Variants in DCLK1 observed in about 807,000 individuals in gnomAD.
The protein encoded by DCLK1 is serine/threonine-protein kinase DCLK1.
Under a neutral mutation model 86.2 loss-of-function variants are expected in DCLK1, and 16 were observed. The observed-to-expected ratio is 0.19, with a 90% CI of 0.13 to 0.28. The LOEUF (loss-of-function observed/expected upper bound fraction) is 0.28. DCLK1 is among the 10% of genes least tolerant of loss of function. The pLI is 1.00. For missense variants in DCLK1, 590 were observed against 940.2 expected (o/e 0.63, Z 4.87); for synonymous variants, 369 against 370.5 (o/e 1.00, Z 0.05).
chr13:35,867,564 T>C (rs1042304763), intron 5 of DCLK1, among the ~76,000 whole-genome samples: 26 of 152,158 alleles, frequency 1.7e-4, no homozygotes, highest in African/African-American at 6.3e-4. Flanking sequence ...TGAGGCAATG[T>C]GTCCTACCCA....
intron 4 of DCLK1, among the ~76,000 whole-genome samples, chr13:35,936,317 G>A (rs1876747426): frequency 6.6e-6 from 1 of 152,210 alleles, no homozygotes; most frequent in Non-Finnish European, 1.5e-5. Flanking sequence ...CAATAGGATT[G>A]AAAATGAACA....
intron 4 of DCLK1, among the ~76,000 whole-genome samples, chr13:35,893,209 G>A (rs891128759): frequency 9.2e-5 from 14 of 152,294 alleles, no homozygotes; most frequent in Non-Finnish European, 2.1e-4. Flanking sequence ...GTCCAGCAGA[G>A]GTGAAGGGGC....
intron 4 of DCLK1, among the ~76,000 whole-genome samples, chr13:35,873,598 C>T (rs1320363546): frequency 6.6e-6 from 1 of 152,028 alleles, no homozygotes; most frequent in Non-Finnish European, 1.5e-5. Flanking sequence ...GTTGGCCAGG[C>T]TGGTTTCAAA....
chr13:35,856,531 G>A (rs1330913388), intron 5 of DCLK1, among the ~76,000 whole-genome samples: 1 of 152,180 alleles, frequency 6.6e-6, no homozygotes, highest in African/African-American at 2.4e-5. Flanking sequence ...CAAACACAGT[G>A]TTAACACTTT....
At chr13:35,910,672 G>C (rs1388554727) in intron 4 of DCLK1, among the ~76,000 whole-genome samples, 1 of 152,146 alleles carries the variant, frequency 6.6e-6, no homozygotes, top group Non-Finnish European at 1.5e-5. Flanking sequence ...TGACTTCCCA[G>C]GGGCCGCTGT....
At chr13:35,794,637 C>T (rs777600149) in intron 15 of DCLK1, among the ~76,000 whole-genome samples, 21 of 152,160 alleles carry the variant, frequency 1.4e-4, no homozygotes, top group African/African-American at 3.6e-4. Flanking sequence ...GAAACGATGG[C>T]GAGCAAAGAC....
intron 5 of DCLK1, among the ~76,000 whole-genome samples, chr13:35,859,113 CA>C (rs1352345756): frequency 6.6e-6 from 1 of 152,088 alleles, no homozygotes; most frequent in African/African-American, 2.4e-5. Flanking sequence ...TATTAAAATT[CA>C]ACTTAAAATG....
intron 3 of DCLK1, among the ~76,000 whole-genome samples, chr13:36,099,846 T>C (rs1885140084): frequency 6.6e-6 from 1 of 152,084 alleles, no homozygotes. Context: ...AATACAATAA[T>C]ACATGAGATT....
At chr13:35,889,892 G>C (rs1037331273) in intron 4 of DCLK1, among the ~76,000 whole-genome samples, 5 of 152,068 alleles carry the variant, frequency 3.3e-5, no homozygotes, top group Non-Finnish European at 7.4e-5. Flanking sequence ...TATTGTAAAA[G>C]AACATATAGT....
chr13:35,997,889 G>T (rs946776600), intron 3 of DCLK1, among the ~76,000 whole-genome samples: 1 of 152,136 alleles, frequency 6.6e-6, no homozygotes, highest in African/African-American at 2.4e-5. Context: ...TAGCATTTTT[G>T]ATTCCAGCTT....
rs34920645 is a variant in DCLK1 at position 35,949,825 on chromosome 13, G to GTTTT, written c.724-2372_724-2369dup. 3.4e-4 allele frequency among the ~76,000 whole-genome samples: 45 copies of GTTTT among 130,684 alleles called. 4 individuals are homozygous for GTTTT. The highest frequency in any genetic ancestry group is 4.6e-4 in the Non-Finnish European group (29 of 63,604). 85.7% of individuals were successfully genotyped at this position (130,684 alleles called of 152,430 possible). A position where few individuals can be genotyped will look rare whatever the true frequency, so the allele number is the denominator to read the frequency against. ...AACAAACAATGATCCATCTTGGGCA[G>GTTTT]TTTTTTTTTTTTTTTGGCAAGCGGG... is the stretch of plus-strand genomic sequence containing the variant. On this transcript the variant is annotated intron_variant, in intron 3 of 16. Transcript: ENST00000360631.
intron 3 of DCLK1, among the ~76,000 whole-genome samples, chr13:35,968,987 C>A (rs555063597): frequency 3.0e-4 from 45 of 152,300 alleles, no homozygotes; most frequent in African/African-American, 1.0e-3. Flanking sequence ...AAACGAAGCA[C>A]AACCTCTCCA....
chr13:35,861,955 C>T (rs904987694), intron 5 of DCLK1, among the ~76,000 whole-genome samples: 12 of 149,260 alleles, frequency 8.0e-5, no homozygotes, highest in African/African-American at 2.7e-4. Flanking sequence ...TGGCATGAAC[C>T]CAGGAGGCGG....
Position 35,821,361 on chromosome 13 carries a change from C to G in DCLK1, c.1554+1368G>C, listed in dbSNP as rs143111367. 2.8e-3 allele frequency among the ~76,000 whole-genome samples: 432 copies of G among 152,090 alleles called. 2 individuals are homozygous for G. The highest frequency in any genetic ancestry group is 6.0e-3 in the Admixed American group (91 of 15,258). On this transcript the variant is annotated intron_variant, in intron 11 of 16. Coordinates refer to ENST00000360631, the MANE Select transcript of DCLK1 (RefSeq NM_001330071.2). ...CTGCTTTTAGACTTGAGTGTGTATG[C>G]GGGTTACCTGGGGGAGGTGGCTGCC...
chr13:35,975,253 A>T (rs1879277008), intron 3 of DCLK1, among the ~76,000 whole-genome samples: 1 of 152,232 alleles, frequency 6.6e-6, no homozygotes, highest in African/African-American at 2.4e-5. Context: ...AGGCTTGGGC[A>T]GGAAAAAACA....
chr13:35,873,237 G>C (rs118053291), intron 4 of DCLK1, among the ~76,000 whole-genome samples: 3 of 151,880 alleles, frequency 2.0e-5, no homozygotes, highest in Non-Finnish European at 4.4e-5. Context: ...GGCAGAGGCT[G>C]CAGTGAGCCA....
intron 3 of DCLK1, among the ~76,000 whole-genome samples, chr13:36,082,433 T>C (rs1884452101): frequency 6.6e-6 from 1 of 152,238 alleles, no homozygotes; most frequent in African/African-American, 2.4e-5. Flanking sequence ...AGGCTATTAG[T>C]AATTAAGTTT....
chr13:35,855,047 C>T (rs1870948587), intron 5 of DCLK1, among the ~76,000 whole-genome samples: 1 of 152,188 alleles, frequency 6.6e-6, no homozygotes. Flanking sequence ...TAATTAATAA[C>T]TCACTTCTAG....
chr13:35,939,894 A>AGTATG (rs1332508907), intron 4 of DCLK1, among the ~76,000 whole-genome samples: 1 of 152,216 alleles, frequency 6.6e-6, no homozygotes, highest in African/African-American at 2.4e-5. Context: ...TAGTCATTTT[A>AGTATG]CCACAGTATG....
Sources: gnomAD v4.1 joint callset for allele counts (sites outside exome capture counted in the v4.1 genomes callset) on GRCh38, gnomAD v4.1.1 for gene constraint, MANE v1.5 for transcripts, NCBI Gene and HGNC (gene_info 2026-07-23, HGNC 2026-07-21) for gene names.